The following NTRK2 variants were observed in gnomAD, a reference collection of about 807,000 sequenced individuals.
NTRK2 encodes the protein neurotrophic receptor tyrosine kinase 2.
Under a neutral mutation model 94.5 loss-of-function variants are expected in NTRK2, and 13 were observed. That is an observed-to-expected ratio of 0.14 (90% CI 0.09 to 0.22). The LOEUF (loss-of-function observed/expected upper bound fraction) is 0.22, where lower values mean the gene tolerates loss of function less well. Ranked by LOEUF, NTRK2 falls within the 10% of genes least tolerant of loss-of-function variation. NTRK2 has a pLI of 1.00. For synonymous variants in NTRK2, 372 were observed against 407.4 expected (o/e 0.91, Z 1.05); for missense variants, 639 against 1,071.2 (o/e 0.60, Z 5.63).
At chr9:84,698,288 G>A (rs1187339) in intron 2 of NTRK2, among the ~76,000 whole-genome samples, 91,738 of 151,844 alleles carry the variant, frequency 0.6, 27,828 homozygotes, top group East Asian at 0.71. Context: ...ATTGTTTTAT[G>A]TTACATGTAC....
chr9:85,017,373 G>T (rs1219253266), intron 17 of NTRK2, among the ~76,000 whole-genome samples: 2 of 152,092 alleles, frequency 1.3e-5, no homozygotes, highest in Admixed American at 1.3e-4. Context: ...AACTAGTCCA[G>T]GTTACCCCAG....
intron 12 of NTRK2, among the ~76,000 whole-genome samples, chr9:84,790,404 A>G (rs911157932): frequency 6.6e-6 from 1 of 152,204 alleles, no homozygotes; most frequent in Non-Finnish European, 1.5e-5. Context: ...CATTTTGACA[A>G]GAGAAATTTT....
chr9:84,987,875 G>GAT (rs951865048), intron 17 of NTRK2, among the ~76,000 whole-genome samples: 2 of 152,234 alleles, frequency 1.3e-5, no homozygotes, highest in African/African-American at 4.8e-5. Flanking sequence ...ATTAATTAGT[G>GAT]ATATATATAT....
chr9:84,865,787 G>C (rs2075564512), intron 13 of NTRK2, among the ~76,000 whole-genome samples: 1 of 152,150 alleles, frequency 6.6e-6, no homozygotes. Context: ...CCAGTAGTCG[G>C]GTCAGTGGTC....
intron 12 of NTRK2, among the ~76,000 whole-genome samples, chr9:84,788,898 A>G (rs1385481348): frequency 6.6e-6 from 1 of 152,136 alleles, no homozygotes; most frequent in East Asian, 1.9e-4. Flanking sequence ...ACACCCATCC[A>G]TTAGGAAGTC....
At chr9:84,989,980 A>G (rs111402703) in intron 17 of NTRK2, among the ~76,000 whole-genome samples, 172 of 152,316 alleles carry the variant, frequency 1.1e-3, no homozygotes, top group African/African-American at 3.9e-3. Flanking sequence ...TAACAAGTAC[A>G]ATATCCCAAC....
intron 12 of NTRK2, among the ~76,000 whole-genome samples, chr9:84,845,580 A>C (rs2074427908): frequency 6.6e-6 from 1 of 152,166 alleles, no homozygotes; most frequent in African/African-American, 2.4e-5. Context: ...ATGGAATACT[A>C]CTCAGCCATA....
intron 8 of NTRK2, among the ~76,000 whole-genome samples, chr9:84,726,622 A>G (rs559273763): frequency 6.6e-6 from 1 of 152,320 alleles, no homozygotes; most frequent in East Asian, 1.9e-4. Flanking sequence ...ACATACAGTC[A>G]AGAAGCAGTG....
At chr9:84,710,330 A>G (rs1188932617) in intron 5 of NTRK2, among the ~76,000 whole-genome samples, 1 of 152,042 alleles carries the variant, frequency 6.6e-6, no homozygotes, top group Non-Finnish European at 1.5e-5. Context: ...TTGTCATGGC[A>G]CCTTATTTTC....
At chr9:84,716,273 A>C (rs1280804877) in intron 6 of NTRK2, among the ~76,000 whole-genome samples, 7 of 152,196 alleles carry the variant, frequency 4.6e-5, no homozygotes, top group Admixed American at 4.6e-4. Context: ...TTTAATGTAG[A>C]AGCTTTTAAA....
intron 12 of NTRK2, among the ~76,000 whole-genome samples, chr9:84,823,710 G>T (rs1266013623): frequency 6.6e-6 from 1 of 152,184 alleles, no homozygotes; most frequent in Non-Finnish European, 1.5e-5. Context: ...GACAAGGGGA[G>T]ATCCGGGTTT....
At chr9:84,870,364 T>TATATATATATATA (rs1470777504) in intron 14 of NTRK2, among the ~76,000 whole-genome samples, 3 of 131,676 alleles carry the variant, frequency 2.3e-5, no homozygotes, top group South Asian at 2.6e-4. Context: ...TATATATATA[T>TATATATATATATA]AAAACTCTGT....
At chr9:85,019,393 C>T (rs574694901) in intron 17 of NTRK2, among the ~76,000 whole-genome samples, 1 of 152,310 alleles carries the variant, frequency 6.6e-6, no homozygotes, top group Admixed American at 6.5e-5. Context: ...TGAAATCGGG[C>T]ATCCCTGACA....
intron 12 of NTRK2, among the ~76,000 whole-genome samples, chr9:84,797,604 A>ATATATAATATATATACTATATAT (rs2069549910): frequency 1.2e-5 from 1 of 80,082 alleles, no homozygotes; most frequent in Non-Finnish European, 2.2e-5. Context: ...ACTATATATT[A>ATATATAATATATATACTATATAT]TATATAATAT....
intron 12 of NTRK2, among the ~76,000 whole-genome samples, chr9:84,810,159 T>G (rs1039654042): frequency 1.3e-5 from 2 of 152,196 alleles, no homozygotes; most frequent in African/African-American, 4.8e-5. Context: ...GCATTACTTT[T>G]GCATGAACCT....
chr9:84,745,122 C>A (rs1348378657), intron 11 of NTRK2, 49 bp downstream of exon 11: 2 of 1,299,808 alleles, frequency 1.5e-6, no homozygotes, highest in Non-Finnish European at 2.2e-6. Flanking sequence ...ATTTTGGATG[C>A]CTCCATGTTA....
chr9:84,855,707 T>G (rs891927348), intron 12 of NTRK2, among the ~76,000 whole-genome samples: 1 of 151,892 alleles, frequency 6.6e-6, no homozygotes, highest in Non-Finnish European at 1.5e-5. Flanking sequence ...GAAGGAAAGA[T>G]AGCTCAGCAT....
intron 17 of NTRK2, among the ~76,000 whole-genome samples, chr9:84,987,172 C>A (rs1448616176): frequency 6.6e-6 from 1 of 152,170 alleles, no homozygotes; most frequent in Non-Finnish European, 1.5e-5. Context: ...TAGCCTAATA[C>A]CACTCTGAAA....
At chr9:84,902,119 C>T (rs1390715491) in intron 14 of NTRK2, among the ~76,000 whole-genome samples, 1 of 151,430 alleles carries the variant, frequency 6.6e-6, no homozygotes, top group African/African-American at 2.4e-5. Flanking sequence ...TTGTTTGAAC[C>T]TGGGAGTCAG....
Sources: allele counts gnomAD v4.1 joint callset (sites outside exome capture counted in the v4.1 genomes callset), GRCh38; gene constraint gnomAD v4.1.1; transcripts MANE v1.5; gene names NCBI Gene and HGNC (gene_info 2026-07-23, HGNC 2026-07-21).